The following AFTPH variants were observed in gnomAD, a reference collection of about 807,000 sequenced individuals.
The protein encoded by AFTPH is aftiphilin protein.
In AFTPH, 7 loss-of-function variants were observed where a neutral mutation model predicts 72.5. That is an observed-to-expected ratio of 0.10 (90% CI 0.05 to 0.18). The LOEUF (loss-of-function observed/expected upper bound fraction) is 0.18. Ranked by LOEUF, AFTPH falls within the 10% of genes least tolerant of loss-of-function variation. The pLI is 1.00. For synonymous variants in AFTPH, 337 were observed against 370.1 expected (o/e 0.91, Z 1.03); for missense variants, 979 against 1,060.5 (o/e 0.92, Z 1.07).
chr2:64,591,728 CAT>C, intron 8 of AFTPH, among the ~76,000 whole-genome samples, 158 bp from the exon 10 acceptor site: 1 of 152,186 alleles, frequency 6.6e-6, no homozygotes, highest in East Asian at 1.9e-4. Flanking sequence ...GCACAGGAAG[CAT>C]ACTGCACAAA....
intron 1 of AFTPH, among the ~76,000 whole-genome samples, chr2:64,543,648 G>A (rs1429482903): frequency 6.6e-6 from 1 of 152,164 alleles, no homozygotes; most frequent in African/African-American, 2.4e-5. Context: ...CCACCACACT[G>A]CAGTGGCATC....
intron 2 of AFTPH, among the ~76,000 whole-genome samples, chr2:64,564,757 T>C (rs1482517501): frequency 1.3e-5 from 2 of 152,180 alleles, no homozygotes; most frequent in East Asian, 1.9e-4. Context: ...TTTGGCCTTA[T>C]TTATTACCCA....
chr2:64,552,275 T>G (rs201111661), exon 2 of AFTPH: 3 of 1,613,980 alleles, frequency 1.9e-6, no homozygotes, highest in Middle Eastern at 1.6e-4. Flanking sequence ...ACAATAAAAT[T>G]AATAGAGTCA....
chr2:64,556,728 G>C (rs1671398787), intron 2 of AFTPH, among the ~76,000 whole-genome samples: 1 of 152,148 alleles, frequency 6.6e-6, no homozygotes, highest in Admixed American at 6.5e-5. Flanking sequence ...AGTCAAGCAA[G>C]AATTCTTGCA....
At chr2:64,567,711 T>G (rs1672169415) in exon 3 of AFTPH, 1 of 1,609,954 alleles carries the variant, frequency 6.2e-7, no homozygotes, top group South Asian at 1.1e-5. Flanking sequence ...TACCTGAAAG[T>G]GGGTAAGTAG....
intron 6 of AFTPH, among the ~76,000 whole-genome samples, chr2:64,577,454 C>A (rs1428479419): frequency 6.6e-6 from 1 of 152,156 alleles, no homozygotes; most frequent in Non-Finnish European, 1.5e-5. Flanking sequence ...TTCAGCAAAT[C>A]ATTAAATCAT....
At chr2:64,528,274 A>G (rs1356676252) in intron 1 of AFTPH, among the ~76,000 whole-genome samples, 2 of 152,214 alleles carry the variant, frequency 1.3e-5, no homozygotes, top group Non-Finnish European at 2.9e-5. Flanking sequence ...CATGCATGTT[A>G]TCTTCTTCCT....
intron 5 of AFTPH, among the ~76,000 whole-genome samples, chr2:64,569,925 T>G (rs997234196): frequency 6.6e-6 from 1 of 152,214 alleles, no homozygotes; most frequent in East Asian, 1.9e-4. Flanking sequence ...TATTAGCATA[T>G]ATAACTGTAA....
intron 2 of AFTPH, among the ~76,000 whole-genome samples, chr2:64,557,955 C>A (rs1671486427): frequency 6.6e-6 from 1 of 152,080 alleles, no homozygotes; most frequent in Non-Finnish European, 1.5e-5. Flanking sequence ...ATGTTTAGAT[C>A]TGGTGAATAT....
At chr2:64,565,998 A>G (rs1232211990) in intron 2 of AFTPH, among the ~76,000 whole-genome samples, 3 of 152,166 alleles carry the variant, frequency 2.0e-5, no homozygotes, top group Non-Finnish European at 4.4e-5. Flanking sequence ...TTCCTATCCC[A>G]TTAAAAAGAT....
intron 1 of AFTPH, among the ~76,000 whole-genome samples, chr2:64,542,144 T>G (rs1299283246): frequency 2.0e-5 from 3 of 152,214 alleles, no homozygotes; most frequent in African/African-American, 4.8e-5. Flanking sequence ...TTTCTCCCAG[T>G]TGAGCAGTGT....
intron 7 of AFTPH, chr2:64,579,811 TA>T (rs1159659308): frequency 3.0e-6 from 1 of 331,228 alleles, no homozygotes; most frequent in Non-Finnish European, 5.4e-6. Context: ...TTTTTACAAA[TA>T]TCTAGGTAGT....
At chr2:64,583,175 T>TC (rs1673311659) in intron 7 of AFTPH, among the ~76,000 whole-genome samples, 1 of 152,226 alleles carries the variant, frequency 6.6e-6, no homozygotes, top group Admixed American at 6.5e-5. Flanking sequence ...TTGCATTTTT[T>TC]CTGACTTGTT....
At chr2:64,527,952 G>A (rs1669378841) in intron 1 of AFTPH, among the ~76,000 whole-genome samples, 1 of 152,160 alleles carries the variant, frequency 6.6e-6, no homozygotes, top group African/African-American at 2.4e-5. Flanking sequence ...GAACTAAGTG[G>A]GGAGGAAGAA....
chr2:64,573,665 C>CT (rs1004539551), intron 6 of AFTPH, among the ~76,000 whole-genome samples: 11 of 150,356 alleles, frequency 7.3e-5, no homozygotes, highest in Admixed American at 2.7e-4. Context: ...ATAGAAAACT[C>CT]TTTTTTTTTG....
chr2:64,525,034 C>G (rs890513429), intron 1 of AFTPH, among the ~76,000 whole-genome samples: 1 of 152,382 alleles, frequency 6.6e-6, no homozygotes. Flanking sequence ...GGTGTAAACA[C>G]TGCCTCCTTC....
At chr2:64,581,388 T>TAATACTTTTCTTTC in intron 7 of AFTPH, 115 bp downstream of exon 8, 2 of 800,844 alleles carry the variant, frequency 2.5e-6, no homozygotes, top group Non-Finnish European at 3.7e-6. Flanking sequence ...AATGTCTTTT[T>TAATACTTTTCTTTC]AATACTTTTC....
At chr2:64,539,953 A>G (rs894757422) in intron 1 of AFTPH, among the ~76,000 whole-genome samples, 5 of 152,050 alleles carry the variant, frequency 3.3e-5, no homozygotes, top group African/African-American at 1.2e-4. Context: ...TTTTGTTCTG[A>G]TTTGTTTTGA....
chr2:64,558,151 A>G (rs935048085), intron 2 of AFTPH, among the ~76,000 whole-genome samples: 1 of 152,202 alleles, frequency 6.6e-6, no homozygotes, highest in African/African-American at 2.4e-5. Flanking sequence ...GTGAAACCTA[A>G]TGTTATCAAT....
Sources: allele counts gnomAD v4.1 joint callset (sites outside exome capture counted in the v4.1 genomes callset), GRCh38; gene constraint gnomAD v4.1.1; transcripts MANE v1.5; gene names NCBI Gene and HGNC (gene_info 2026-07-23, HGNC 2026-07-21).